Variants in SKAP1 observed in about 807,000 individuals in gnomAD.
The protein encoded by SKAP1 is src kinase associated phosphoprotein 1.
A neutral mutation model predicts 58.5 loss-of-function variants in SKAP1; 44 were observed. The observed-to-expected ratio is 0.75, with a 90% CI of 0.59 to 0.97. SKAP1 has a LOEUF of 0.97. Among genes scored for constraint, SKAP1 ranks in the 50% least tolerant of loss-of-function variants. The probability of loss-of-function intolerance (pLI) is 0.00; values close to 1 mark genes in which losing one functional copy is unlikely to be tolerated. For synonymous variants in SKAP1, 127 were observed against 149.7 expected (o/e 0.85, Z 1.11); for missense variants, 390 against 435.2 (o/e 0.90, Z 0.92).
chr17:48,145,049 T>TA (rs112451742), intron 11 of SKAP1, among the ~76,000 whole-genome samples: 31 of 151,544 alleles, frequency 2.0e-4, no homozygotes, highest in East Asian at 5.8e-4. Context: ...AAAAAGTTAT[T>TA]AAAAAAAAAC....
At chr17:48,222,311 C>T (rs569535021) in intron 4 of SKAP1, among the ~76,000 whole-genome samples, 7 of 152,044 alleles carry the variant, frequency 4.6e-5, no homozygotes, top group African/African-American at 1.7e-4. Flanking sequence ...GTTTTCTTTC[C>T]ATTAATTACT....
At chr17:48,184,293 T>C (rs1035156857) in intron 7 of SKAP1, among the ~76,000 whole-genome samples, 1 of 123,304 alleles carries the variant, frequency 8.1e-6, no homozygotes, top group Admixed American at 9.5e-5. Context: ...GATAGCAAGA[T>C]GAACATGGGA....
At chr17:48,360,602 T>C (rs1380736467) in intron 3 of SKAP1, among the ~76,000 whole-genome samples, 1 of 152,216 alleles carries the variant, frequency 6.6e-6, no homozygotes, top group African/African-American at 2.4e-5. Context: ...TTATGTCTTA[T>C]TGTCAAGTAA....
chr17:48,194,597 G>A (rs538860500), intron 4 of SKAP1, among the ~76,000 whole-genome samples: 42 of 152,336 alleles, frequency 2.8e-4, no homozygotes, highest in African/African-American at 8.9e-4. Context: ...CAAAAAGGCT[G>A]CAGCCCCTGC....
At chr17:48,265,321 T>A (rs1284526041) in intron 4 of SKAP1, among the ~76,000 whole-genome samples, 1 of 152,064 alleles carries the variant, frequency 6.6e-6, no homozygotes, top group Non-Finnish European at 1.5e-5. Flanking sequence ...CTGGCCAACA[T>A]GGTGAAACCC....
chr17:48,369,575 T>C (rs1387524978), intron 2 of SKAP1, among the ~76,000 whole-genome samples: 1 of 152,104 alleles, frequency 6.6e-6, no homozygotes, highest in Non-Finnish European at 1.5e-5. Context: ...ATTGAGGGAA[T>C]CTTGATAAGC....
At chr17:48,149,887 C>A (rs1450592227) in intron 11 of SKAP1, among the ~76,000 whole-genome samples, 3 of 152,112 alleles carry the variant, frequency 2.0e-5, no homozygotes, top group Non-Finnish European at 4.4e-5. Flanking sequence ...GTAGGTGCAA[C>A]TTTAATGGCA....
chr17:48,146,778 G>A (rs1462910661), intron 11 of SKAP1, among the ~76,000 whole-genome samples: 5 of 151,942 alleles, frequency 3.3e-5, no homozygotes, highest in Non-Finnish European at 7.4e-5. Flanking sequence ...ACAGGCACCC[G>A]CCACCACGCC....
At chr17:48,187,720 C>G (rs2064477322) in intron 6 of SKAP1, 123 bp downstream of exon 6, 1 of 626,104 alleles carries the variant, frequency 1.6e-6, no homozygotes, top group Non-Finnish European at 2.8e-6. Flanking sequence ...CAATTTCTTT[C>G]CTAAGCATGT....
intron 11 of SKAP1, among the ~76,000 whole-genome samples, chr17:48,154,441 C>T (rs1208342623): frequency 1.3e-5 from 2 of 152,172 alleles, no homozygotes; most frequent in Admixed American, 1.3e-4. Flanking sequence ...ACCTTCCCAC[C>T]CCAGCTAAGC....
chr17:48,154,975 G>C (rs1382054207), intron 11 of SKAP1, among the ~76,000 whole-genome samples: 1 of 151,224 alleles, frequency 6.6e-6, no homozygotes, highest in Non-Finnish European at 1.5e-5. Context: ...CAGGAGAACC[G>C]CTCGAACTCA....
intron 4 of SKAP1, among the ~76,000 whole-genome samples, chr17:48,242,686 A>AG (rs2065255090): frequency 6.6e-6 from 1 of 152,346 alleles, no homozygotes; most frequent in African/African-American, 2.4e-5. Flanking sequence ...TCCTAAGACA[A>AG]GGGGTTATGT....
chr17:48,202,842 T>C (rs996712874), intron 4 of SKAP1, among the ~76,000 whole-genome samples: 16 of 152,240 alleles, frequency 1.1e-4, no homozygotes, highest in Admixed American at 8.5e-4. Context: ...TAGAGACCTA[T>C]ATTTCCCTTG....
chr17:48,278,884 C>CT (rs1399993798), intron 4 of SKAP1, among the ~76,000 whole-genome samples: 8 of 152,130 alleles, frequency 5.3e-5, no homozygotes, highest in Non-Finnish European at 7.4e-5. Context: ...GGAACTATTC[C>CT]TATCCTCCCC....
intron 4 of SKAP1, among the ~76,000 whole-genome samples, chr17:48,260,833 A>G: frequency 6.6e-6 from 1 of 152,182 alleles, no homozygotes; most frequent in Admixed American, 6.5e-5. Context: ...ACACACACAC[A>G]GTTTAACAAC....
intron 4 of SKAP1, among the ~76,000 whole-genome samples, chr17:48,267,679 T>C (rs1164681842): frequency 1.3e-5 from 2 of 152,216 alleles, no homozygotes; most frequent in East Asian, 3.8e-4. Flanking sequence ...TTAATATCAA[T>C]TAATTTAATA....
chr17:48,388,381 C>T (rs1043707094), intron 2 of SKAP1, among the ~76,000 whole-genome samples: 9 of 152,148 alleles, frequency 5.9e-5, no homozygotes, highest in African/African-American at 2.2e-4. Context: ...TTGCAGTAAG[C>T]CGAGATCACG....
chr17:48,178,004 A>G (rs181957027), intron 9 of SKAP1, among the ~76,000 whole-genome samples: 2 of 152,046 alleles, frequency 1.3e-5, no homozygotes, highest in East Asian at 3.9e-4. Context: ...ATGAGTCTTC[A>G]TGCCCTTGGG....
chr17:48,201,843 C>T (rs2064731977), intron 4 of SKAP1, among the ~76,000 whole-genome samples: 1 of 152,204 alleles, frequency 6.6e-6, no homozygotes, highest in African/African-American at 2.4e-5. Flanking sequence ...ACTGATTACT[C>T]TTTAGGAAAT....
Sources: allele counts gnomAD v4.1 joint callset (sites outside exome capture counted in the v4.1 genomes callset), GRCh38; gene constraint gnomAD v4.1.1; transcripts MANE v1.5; gene names NCBI Gene and HGNC (gene_info 2026-07-23, HGNC 2026-07-21).